The following ABCC1 variants were observed in gnomAD, a reference collection of about 807,000 sequenced individuals.
ABCC1 encodes the protein ATP binding cassette subfamily C member 1 (ABCC1 blood group), also known as multidrug resistance-associated protein 1.
In ABCC1, 83 loss-of-function variants were observed where a neutral mutation model predicts 172.9. That is an observed-to-expected ratio of 0.48 (90% confidence interval 0.40 to 0.58). ABCC1 has a LOEUF of 0.58. Among genes scored for constraint, ABCC1 ranks in the 20% least tolerant of loss-of-function variants. The probability of loss-of-function intolerance (pLI) is 0.00; values close to 1 mark genes in which losing one functional copy is unlikely to be tolerated. For missense variants in ABCC1, 1,817 were observed against 2,002.7 expected (o/e 0.91, Z 1.77); for synonymous variants, 937 against 825.2 (o/e 1.14, Z -2.32).
At chr16:15,992,967 C>T (rs1267799237) in intron 1 of ABCC1, among the ~76,000 whole-genome samples, 2 of 152,146 alleles carry the variant, frequency 1.3e-5, no homozygotes, top group Non-Finnish European at 2.9e-5. Flanking sequence ...GATCTTTGCA[C>T]AGCCAGCTCT....
intron 19 of ABCC1, among the ~76,000 whole-genome samples, chr16:16,101,577 C>T (rs2051750805): frequency 6.6e-6 from 1 of 152,130 alleles, no homozygotes; most frequent in Admixed American, 6.5e-5. Context: ...GCGTATTTAT[C>T]CCTTTTGTAT....
At chr16:16,065,066 G>A (rs969234789) in intron 12 of ABCC1, among the ~76,000 whole-genome samples, 2 of 152,166 alleles carry the variant, frequency 1.3e-5, no homozygotes, top group Non-Finnish European at 2.9e-5. Context: ...CATGTGCAAA[G>A]GCCCTGGGGC....
At chr16:16,055,145 G>A (rs1057449705) in intron 11 of ABCC1, among the ~76,000 whole-genome samples, 1 of 151,916 alleles carries the variant, frequency 6.6e-6, no homozygotes, top group Admixed American at 6.6e-5. Context: ...TGGGAGGATC[G>A]CTTGAGCCCA....
At chr16:16,082,601 G>A (rs1359887420) in intron 16 of ABCC1, among the ~76,000 whole-genome samples, 1 of 152,132 alleles carries the variant, frequency 6.6e-6, no homozygotes, top group Non-Finnish European at 1.5e-5. Flanking sequence ...TTTTTAGCAA[G>A]GATATTTCCT....
At chr16:16,100,674 T>G (rs537222542) in intron 19 of ABCC1, among the ~76,000 whole-genome samples, 1 of 152,374 alleles carries the variant, frequency 6.6e-6, no homozygotes, top group African/African-American at 2.4e-5. Context: ...CCTAGAATTC[T>G]CTGTAGAACC....
intron 19 of ABCC1, among the ~76,000 whole-genome samples, chr16:16,092,171 G>A (rs2051281662): frequency 6.6e-6 from 1 of 152,218 alleles, no homozygotes; most frequent in Non-Finnish European, 1.5e-5. Flanking sequence ...CTTGGAGGCG[G>A]AGGTTGCAGT....
intron 1 of ABCC1, among the ~76,000 whole-genome samples, chr16:15,999,556 G>A (rs908603812): frequency 1.3e-5 from 2 of 151,294 alleles, no homozygotes; most frequent in East Asian, 4.0e-4. Context: ...CAGAGATTGC[G>A]GTGAGCTGAA....
intron 29 of ABCC1, 86 bp downstream of exon 29, chr16:16,136,730 G>T: frequency 3.5e-6 from 5 of 1,441,630 alleles, no homozygotes; most frequent in Non-Finnish European, 3.7e-6. Flanking sequence ...GTCCAGATCT[G>T]TGTCACCTGG....
chr16:15,986,044 C>T (rs936558640), intron 1 of ABCC1, among the ~76,000 whole-genome samples: 1 of 151,994 alleles, frequency 6.6e-6, no homozygotes, highest in South Asian at 2.1e-4. Context: ...AAGTGATTCT[C>T]CTGCCTCAGC....
chr16:16,048,364 G>A, intron 10 of ABCC1, 61 bp downstream of exon 10: 1 of 1,589,476 alleles, frequency 6.3e-7, no homozygotes, highest in South Asian at 1.1e-5. Flanking sequence ...GTGGGCAGTG[G>A]GCCGAGGGAG....
intron 1 of ABCC1, among the ~76,000 whole-genome samples, chr16:15,985,131 AT>A (rs1280506470): frequency 1.3e-5 from 2 of 152,160 alleles, no homozygotes; most frequent in African/African-American, 4.8e-5. Flanking sequence ...TATATTTCCT[AT>A]TAAGGTGAAA....
chr16:16,046,345 T>C (rs1415783430), intron 9 of ABCC1, among the ~76,000 whole-genome samples: 1 of 150,824 alleles, frequency 6.6e-6, no homozygotes, highest in Non-Finnish European at 1.5e-5. Flanking sequence ...GTTGTCACTC[T>C]TTTTTTTTCG....
intron 12 of ABCC1, among the ~76,000 whole-genome samples, chr16:16,062,490 A>G (rs1269635000): frequency 1.3e-5 from 2 of 152,042 alleles, no homozygotes; most frequent in Non-Finnish European, 2.9e-5. Flanking sequence ...GGGATTACAG[A>G]TGTGAAATAC....
At chr16:16,133,893 A>G (rs911783731) in intron 27 of ABCC1, among the ~76,000 whole-genome samples, 7 of 152,192 alleles carry the variant, frequency 4.6e-5, no homozygotes, top group African/African-American at 1.4e-4. Flanking sequence ...GAGAGGATGC[A>G]TGGAGACCAG....
At chr16:16,140,235 C>A (rs565721075) in intron 30 of ABCC1, among the ~76,000 whole-genome samples, 38 of 152,302 alleles carry the variant, frequency 2.5e-4, no homozygotes, top group African/African-American at 8.7e-4. Context: ...GAAAGGTAGG[C>A]AGGGGCTGGA....
chr16:16,004,773 G>T (rs1203362392), intron 1 of ABCC1, among the ~76,000 whole-genome samples: 1 of 150,986 alleles, frequency 6.6e-6, no homozygotes, highest in Non-Finnish European at 1.5e-5. Flanking sequence ...TCCTGCCTGA[G>T]CCTCCCTACT....
intron 5 of ABCC1, among the ~76,000 whole-genome samples, chr16:16,030,092 AC>A: frequency 6.6e-6 from 1 of 152,264 alleles, no homozygotes; most frequent in South Asian, 2.1e-4. Flanking sequence ...ACCCTGGTGA[AC>A]CAAATGAGTA....
chr16:16,021,020 A>G (rs1012175433), intron 5 of ABCC1, among the ~76,000 whole-genome samples: 3 of 152,200 alleles, frequency 2.0e-5, no homozygotes, highest in Non-Finnish European at 4.4e-5. Context: ...GCTTTGTGTT[A>G]GGCTAGAGGC....
intron 26 of ABCC1, among the ~76,000 whole-genome samples, chr16:16,128,797 G>A (rs1222970354): frequency 6.6e-6 from 1 of 152,108 alleles, no homozygotes; most frequent in Non-Finnish European, 1.5e-5. Context: ...CCAGGAGTTC[G>A]AGACCAGCCT....
Sources: gnomAD v4.1 joint callset for allele counts (sites outside exome capture counted in the v4.1 genomes callset) on GRCh38, gnomAD v4.1.1 for gene constraint, MANE v1.5 for transcripts, NCBI Gene and HGNC (gene_info 2026-07-23, HGNC 2026-07-21) for gene names.